The following OTUB1 variants were observed in gnomAD, a reference collection of about 807,000 sequenced individuals.
OTUB1 encodes ubiquitin thioesterase OTUB1.
A neutral mutation model predicts 35.8 loss-of-function variants in OTUB1; 10 were observed. The ratio of observed to expected loss-of-function variants is 0.28; its 90% CI spans 0.17 to 0.47. OTUB1 has a LOEUF of 0.47. Among genes scored for constraint, OTUB1 ranks in the 20% least tolerant of loss-of-function variants. The pLI, the probability that OTUB1 is intolerant of heterozygous loss-of-function variation, is 0.99. For missense variants in OTUB1, 264 were observed against 351.6 expected, an observed-to-expected ratio of 0.75 and a Z score of 1.99; for synonymous variants, 158 against 143.8, an observed-to-expected ratio of 1.10 and a Z score of -0.71.
chr11:63,988,646 TC>T lies in OTUB1; in HGVS notation c.121-6del. The stretch of plus-strand genomic sequence containing the variant: ...TGCTAGGACATGACAGATCCCTGCC[TC>T]CTCCAGATTGCTGTGCAGAACCCTC... On this transcript the variant is annotated splice_region_variant and splice_polypyrimidine_tract_variant and intron_variant, in intron 2 of 6. Coordinates refer to ENST00000538426, the MANE Select transcript of OTUB1 (RefSeq NM_017670.3). 6.2e-7 allele frequency: 1 copy of T among 1,600,472 alleles called. No homozygotes were observed. Among genetic ancestry groups the T allele is most frequent in the Non-Finnish European group, 8.6e-7 (1 of 1,167,876 alleles).
Position 63,996,922 on chromosome 11 carries a change from T to C in OTUB1, c.404T>C (p.Ile135Thr). The C allele has an allele frequency of 6.2e-7, 1 of 1,614,044 alleles. No individual in the cohort carries two copies. Among genetic ancestry groups the C allele is most frequent in the Non-Finnish European group, 8.5e-7 (1 of 1,179,948 alleles). The change falls in exon 5 of 7, where the codon ATT becomes ACT. Residue 135 changes from isoleucine to threonine, a missense_variant. Ile to Thr is a moderately conservative substitution (Grantham distance 89). Transcript: ENST00000538426. ...LVSQGFTEFT[I>T]EDFHNTFMDL... ...TCCCAGGGCTTCACTGAATTCACAA[T>C]TGAGGATTTCCACAACACGGTGAGC...
intron 3 of OTUB1, among the ~76,000 whole-genome samples, chr11:63,995,781 A>T (rs950007207): frequency 6.6e-6 from 1 of 151,774 alleles, no homozygotes; most frequent in Admixed American, 6.6e-5. Context: ...CAAGGTCATC[A>T]GCTGGGGGTA....
Position 63,997,566 on chromosome 11 carries a change from C to T in OTUB1, c.*20C>T. 6.3e-7 allele frequency: 1 copy of T among 1,597,850 alleles called. No individual in the cohort carries two copies. Among genetic ancestry groups the T allele is most frequent in the Non-Finnish European group, 8.6e-7 (1 of 1,166,162 alleles). On this transcript the variant is annotated 3_prime_UTR_variant, in exon 7 of 7. Coordinates refer to ENST00000538426, the MANE Select transcript of OTUB1 (RefSeq NM_017670.3). ...AAATAGGGCTGGCTCCAGCCCGCTG[C>T]TGCCCTGCTGCCCCCCTCTGCCAGG...
Position 63,994,487 on chromosome 11 carries a change from G to A in OTUB1, c.220-2043G>A, listed in dbSNP as rs371383049. On this transcript the variant is annotated intron_variant, in intron 3 of 6. Coordinates refer to ENST00000538426, the MANE Select transcript of OTUB1 (RefSeq NM_017670.3). The stretch of plus-strand genomic sequence containing the variant: ...AGGATGGTCTTGATCTCTTGACCTC[G>A]ATATCTGCCTGCCTCAGCCTCCCAA... Among the ~76,000 whole-genome samples, 12 of 152,328 alleles carry A rather than the reference G, an allele frequency of 7.9e-5. No homozygotes were observed. In the South Asian group the frequency reaches 2.3e-3, roughly 29 times the overall value.
At position 63,997,815 on chromosome 11, in the gene OTUB1, A is replaced by G; in HGVS notation, c.*269A>G. ...CTATCTACTCCTGAGCTTCCCCAAC[A>G]GGAGCAGGTTTGAGGGGCCAGGCCT... On this transcript the variant is annotated 3_prime_UTR_variant, in exon 7 of 7. Coordinates refer to ENST00000538426, the MANE Select transcript of OTUB1 (RefSeq NM_017670.3). 1.4e-6 allele frequency: 1 copy of G among 698,778 alleles called. No individual in the cohort carries two copies. Among genetic ancestry groups the G allele is most frequent in the Non-Finnish European group, 2.6e-6 (1 of 383,736 alleles). 43.3% of individuals were successfully genotyped at this position (698,778 alleles called of 1,614,324 possible).
Position 63,988,448 on chromosome 11 carries a change from G to A in OTUB1, c.120+50G>A, listed in dbSNP as rs761783927. 9.3e-6 allele frequency: 14 copies of A among 1,510,240 alleles called. 1 individual carries two copies. In the South Asian group the frequency reaches 1.7e-4, roughly 18 times the overall value. 93.6% of individuals were successfully genotyped at this position (1,510,240 alleles called of 1,614,324 possible). On this transcript the variant is annotated intron_variant, in intron 2 of 6. Coordinates refer to ENST00000538426, the MANE Select transcript of OTUB1 (RefSeq NM_017670.3). The stretch of plus-strand genomic sequence containing the variant: ...AGGCAGTGGCCAGCAGCCCCATTGT[G>A]GAAATGCATAGGCTGGGCATGAGGC...
At chr11:63,988,599 G>A in intron 2 of OTUB1, 55 bp from the exon 3 acceptor site, 1 of 1,391,544 alleles carries the variant, frequency 7.2e-7, no homozygotes, top group Non-Finnish European at 1.0e-6. Context: ...CTGTCTGTTA[G>A]GCATGGGTCA....
intron 3 of OTUB1, among the ~76,000 whole-genome samples, chr11:63,992,543 A>C (rs973039970): frequency 2.0e-5 from 3 of 148,616 alleles, no homozygotes; most frequent in African/African-American, 7.7e-5. Flanking sequence ...GACTCTGGTC[A>C]CTTTTCTTTT....
chr11:63,998,125 G>C lies in OTUB1; in HGVS notation c.*579G>C, dbSNP rs1942743683. 1 of 319,344 alleles carries C rather than the reference G, an allele frequency of 3.1e-6. No homozygotes were observed. Among genetic ancestry groups the C allele is most frequent in the Non-Finnish European group, 5.9e-6 (1 of 168,806 alleles). The allele number at this position is 319,344 out of a possible 1,614,324, so 19.8% of individuals were successfully genotyped here. A position where few individuals can be genotyped will look rare whatever the true frequency, so the allele number is the denominator to read the frequency against. The stretch of plus-strand genomic sequence containing the variant: ...AGGTGGAGGAGCTGGGCCTCCCACA[G>C]GGTGCCCGGGCAGTGCCATCCTGGT... On this transcript the variant is annotated 3_prime_UTR_variant, in exon 7 of 7. Transcript: ENST00000538426.
chr11:63,989,014 C>CAA, intron 3 of OTUB1: 1 of 257,744 alleles, frequency 3.9e-6, no homozygotes, highest in Non-Finnish European at 7.1e-6. Flanking sequence ...AACTTCATCT[C>CAA]AGAAAAAAAA....
rs748977804 is a variant in OTUB1, at chr11:63,991,662, A to C, written c.219+2910A>C. 4.6e-5 allele frequency among the ~76,000 whole-genome samples: 7 copies of C among 152,200 alleles called. No individual in the cohort carries two copies. The East Asian group carries it at 1.4e-3, about 30-fold the overall frequency. On this transcript the variant is annotated intron_variant, in intron 3 of 6. Coordinates refer to ENST00000538426, the MANE Select transcript of OTUB1 (RefSeq NM_017670.3). ...CCTGTGCCAAATCCCTGGCACAGAGAGTGTGCTCACAATGGCCATGGTGGC... is the reference window on the plus strand; with the variant it reads ...CCTGTGCCAAATCCCTGGCACAGAGCGTGTGCTCACAATGGCCATGGTGGC...
At chr11:63,988,527 C>G in intron 2 of OTUB1, 127 bp from the exon 3 acceptor site, 1 of 1,254,160 alleles carries the variant, frequency 8.0e-7, no homozygotes, top group Non-Finnish European at 1.2e-6. Context: ...ATGCTAGGTA[C>G]TGGTGCTTTT....
rs1053383 is a variant in OTUB1, at chr11:63,997,584, C to G, written c.*38C>G. The G allele has an allele frequency of 1.3e-6, 2 of 1,568,076 alleles. No homozygotes were observed. The highest frequency in any genetic ancestry group is 1.7e-5 in the Admixed American group (1 of 59,892). On this transcript the variant is annotated 3_prime_UTR_variant, in exon 7 of 7. Transcript: ENST00000538426. ...CCCGCTGCTGCCCTGCTGCCCCCCTCTGCCAGGCGCTAGACATGTACAGAG... is the reference window on the plus strand; with the variant it reads ...CCCGCTGCTGCCCTGCTGCCCCCCTGTGCCAGGCGCTAGACATGTACAGAG...
intron 1 of OTUB1, 22 bp from the exon 2 acceptor site, chr11:63,988,315 T>C (rs1156737883): frequency 4.5e-6 from 7 of 1,550,628 alleles, no homozygotes; most frequent in South Asian, 1.2e-5. Flanking sequence ...CCTGTAATCT[T>C]TGGCTTTTTT....
rs544528368 is a variant in OTUB1, at chr11:63,997,705, C to T, written c.*159C>T. On this transcript the variant is annotated 3_prime_UTR_variant, in exon 7 of 7. Coordinates refer to ENST00000538426, the MANE Select transcript of OTUB1 (RefSeq NM_017670.3). ...ATTAAAGGGGGTGCTGGTGGTGAGC[C>T]GTGTGTGCGTGTCCCTGCTCTGCTG... is the stretch of plus-strand genomic sequence containing the variant. 4 of 720,520 alleles carry T rather than the reference C, an allele frequency of 5.6e-6. No homozygotes were observed. The highest frequency in any genetic ancestry group is 2.7e-5 in the East Asian group (1 of 37,340). The allele number at this position is 720,520 out of a possible 1,614,324, so 44.6% of individuals were successfully genotyped here.
At chr11:63,994,467 G>T (rs1264307729) in intron 3 of OTUB1, among the ~76,000 whole-genome samples, 2 of 152,168 alleles carry the variant, frequency 1.3e-5, no homozygotes, top group African/African-American at 4.8e-5. Flanking sequence ...TGGCCAGGAT[G>T]GTCTTGATCT....
rs528607400 is a variant in OTUB1 at position 63,997,778 on chromosome 11, C to A, written c.*232C>A. On this transcript the variant is annotated 3_prime_UTR_variant, in exon 7 of 7. Coordinates refer to ENST00000538426, the MANE Select transcript of OTUB1 (RefSeq NM_017670.3). ...TGCCCCCTCCCCCCAGGTGGGTCCC[C>A]CTGCTTTTCACCTATCTACTCCTGA... 2 of 700,962 alleles carry A rather than the reference C, an allele frequency of 2.9e-6. No homozygotes were observed. The highest frequency in any genetic ancestry group is 1.5e-5 in the South Asian group (1 of 67,522). 43.4% of individuals were successfully genotyped at this position (700,962 alleles called of 1,614,324 possible).
At chr11:63,996,781 G>A (rs889789753) in intron 4 of OTUB1, 76 bp from the exon 5 acceptor site, 12 of 1,609,892 alleles carry the variant, frequency 7.5e-6, no homozygotes, top group Middle Eastern at 1.7e-4. Context: ...GCCAGGCGGG[G>A]CAGTGCTGTC....
At chr11:63,988,007 G>A (rs965562427) in intron 1 of OTUB1, among the ~76,000 whole-genome samples, 5 of 152,208 alleles carry the variant, frequency 3.3e-5, no homozygotes, top group Non-Finnish European at 7.3e-5. Context: ...ACTTGAGGTG[G>A]AGCACTCCTG....
Sources: gnomAD v4.1 joint callset for allele counts (sites outside exome capture counted in the v4.1 genomes callset) on GRCh38, gnomAD v4.1.1 for gene constraint, MANE v1.5 for transcripts, NCBI Gene and HGNC (gene_info 2026-07-23, HGNC 2026-07-21) for gene names.